Variants in KLHL21 observed in about 807,000 individuals in gnomAD.
KLHL21 encodes kelch-like protein 21.
In KLHL21, 42 loss-of-function variants were observed where a neutral mutation model predicts 44.1. The ratio of observed to expected loss-of-function variants is 0.95; its 90% CI spans 0.74 to 1.23. The LOEUF (loss-of-function observed/expected upper bound fraction) is 1.23, where lower values mean the gene tolerates loss of function less well. KLHL21 is among the 50% of genes most tolerant of loss of function. The probability of loss-of-function intolerance (pLI) is 0.00; values close to 1 mark genes in which losing one functional copy is unlikely to be tolerated. For synonymous variants in KLHL21, 524 were observed against 411.6 expected (o/e 1.27, Z -3.31); for missense variants, 918 against 889.1 (o/e 1.03, Z -0.41).
At position 6,593,556 on chromosome 1, in the gene KLHL21, G is replaced by A. The variant is rs865954795; in HGVS notation, c.1603C>T (p.Pro535Ser). The A allele has an allele frequency of 1.9e-6, 3 of 1,613,988 alleles. No homozygotes were observed. The highest frequency in any genetic ancestry group is 2.5e-6 in the Non-Finnish European group (3 of 1,180,008). The part of the protein sequence containing the change: ...ELSDVVEAYD[P>S]ETRAWSVVGR... ...ACCACGCTCCACGCGCGAGTCTCTGGGTCATAGGCCTCTACCACGTCCGAG... is the reference window on the plus strand; with the variant it reads ...ACCACGCTCCACGCGCGAGTCTCTGAGTCATAGGCCTCTACCACGTCCGAG... The change falls in exon 4 of 4, where the codon CCA becomes TCA. Residue 535 changes from proline to serine, a missense_variant. By Grantham distance (74) the Pro-to-Ser change is moderately conservative. Transcript: ENST00000377658.
chr1:6,599,136 G>A lies in KLHL21; in HGVS notation c.1338C>T (p.Asp446=), dbSNP rs1477089896. 1 of 1,613,924 alleles carries A rather than the reference G, an allele frequency of 6.2e-7. No individual in the cohort carries two copies. Among genetic ancestry groups the A allele is most frequent in the African/African-American group, 1.3e-5 (1 of 75,054 alleles). The part of the protein sequence containing the change: ...MVMQCYDPDT[D]LWSLVDCGQL... ...GGCCGCAGTCCACCAGCGACCACAG[G>A]TCGGTGTCCGGGTCGTAGCACTGCA... Residue 446 remains aspartate (D), a synonymous_variant, in exon 2 of 4, where the codon GAC becomes GAT. Transcript: ENST00000377658.
rs532490420 is a variant in KLHL21 at position 6,595,257 on chromosome 1, A to G, written c.1500+228T>C. 30 of 636,814 alleles carry G rather than the reference A, an allele frequency of 4.7e-5. No individual in the cohort carries two copies. The South Asian group carries it at 4.9e-4, about 10-fold the overall frequency. 39.4% of individuals were successfully genotyped at this position (636,814 alleles called of 1,614,324 possible). A position where few individuals can be genotyped will look rare whatever the true frequency, so the allele number is the denominator to read the frequency against. On this transcript the variant is annotated intron_variant, in intron 3 of 3. Coordinates refer to ENST00000377658, the MANE Select transcript of KLHL21 (RefSeq NM_014851.4). The stretch of plus-strand genomic sequence containing the variant: ...GCTCTCTGGCTCACAGCAGATACTC[A>G]ATAAACACTGCTCAAATGTGTACTA...
intron 2 of KLHL21, among the ~76,000 whole-genome samples, chr1:6,597,944 T>C (rs1640950216): frequency 6.6e-6 from 1 of 152,252 alleles, no homozygotes; most frequent in African/African-American, 2.4e-5. Context: ...AGGCAGCATT[T>C]GGCTGTGACC....
In KLHL21 at chr1:6,599,060, T is replaced by C. The variant is rs1570199843; in HGVS notation, c.1414A>G (p.Met472Val). The C allele has an allele frequency of 6.3e-7, 1 of 1,589,192 alleles. No homozygotes were observed. The highest frequency in any genetic ancestry group is 1.1e-5 in the South Asian group (1 of 87,298). The part of the protein sequence containing the change: ...APKTATLNGL[M>V]YFVRDDSAEV... Reference sequence around the variant, plus strand: ...CCTGGAACTCACCTGACAAAGTACATGAGTCCGTTTAGAGTCGCAGTCTTG... The same window carrying C: ...CCTGGAACTCACCTGACAAAGTACACGAGTCCGTTTAGAGTCGCAGTCTTG... Residue 472 changes from methionine (M) to valine (V), a missense_variant, in exon 2 of 4, where the codon ATG (methionine) becomes GTG (valine). Met to Val is a conservative substitution (Grantham distance 21, BLOSUM62 1). Transcript: ENST00000377658.
rs1306027880 is a variant in KLHL21 at position 6,599,089 on chromosome 1, G to T, written c.1385C>A (p.Ala462Asp). 6.2e-7 allele frequency: 1 copy of T among 1,608,950 alleles called. No individual in the cohort carries two copies. Among genetic ancestry groups the T allele is most frequent in the Non-Finnish European group, 8.5e-7 (1 of 1,177,318 alleles). Reference sequence around the variant, plus strand: ...TCCGTTTAGAGTCGCAGTCTTGGGGGCGAAGGACCAGGGCGGGAGCTGGCC... The same window carrying T: ...TCCGTTTAGAGTCGCAGTCTTGGGGTCGAAGGACCAGGGCGGGAGCTGGCC... Reference protein sequence around the residue: ...DCGQLPPWSFAPKTATLNGLM... With the variant: ...DCGQLPPWSFDPKTATLNGLM... The change falls in exon 2 of 4, where the codon GCC (alanine) becomes GAC (aspartate). Residue 462 changes from alanine (A) to aspartate (D), a missense_variant. By Grantham distance (126) the Ala-to-Asp change is moderately radical. Transcript: ENST00000377658.
chr1:6,596,167 G>A (rs1216581948), intron 2 of KLHL21, among the ~76,000 whole-genome samples: 1 of 152,254 alleles, frequency 6.6e-6, no homozygotes, highest in African/African-American at 2.4e-5. Flanking sequence ...GGGAGGCCGA[G>A]GCTGGTGGAG....
chr1:6,593,700 G>C (rs754450807), intron 3 of KLHL21, 42 bp from the exon 4 acceptor site: 13 of 1,521,052 alleles, frequency 8.5e-6, no homozygotes, highest in Non-Finnish European at 1.1e-5. Context: ...CAGAGGAGAG[G>C]GTAGGGCAGG....
chr1:6,593,754 T>C (rs1205475885), intron 3 of KLHL21, 96 bp from the exon 4 acceptor site: 2 of 1,447,844 alleles, frequency 1.4e-6, no homozygotes, highest in Non-Finnish European at 1.8e-6. Context: ...GCCCTGTCAG[T>C]ACCCCAGAGG....
In KLHL21 at chr1:6,591,803, G is replaced by A. The variant is rs1010370226; in HGVS notation, c.*1562C>T. The A allele has an allele frequency of 6.6e-6, 1 of 152,646 alleles. No individual in the cohort carries two copies. The highest frequency in any genetic ancestry group is 1.9e-4 in the East Asian group (1 of 5,206). The allele number at this position is 152,646 out of a possible 1,614,324, so 9.5% of individuals were successfully genotyped here. On this transcript the variant is annotated 3_prime_UTR_variant, in exon 4 of 4. Coordinates refer to ENST00000377658, the MANE Select transcript of KLHL21 (RefSeq NM_014851.4). ...GCACAGGGCAAGCAACAGTGCCAGA[G>A]GGTGCCTGGTCACAGGAAGCCCAGC... is the stretch of plus-strand genomic sequence containing the variant.
At position 6,601,783 on chromosome 1, in the gene KLHL21, C is replaced by A. The variant is rs1196155820; in HGVS notation, c.1021+14G>T. ...TCAACCCCAGAGAGCCTGCCCAGCC[C>A]CTGGCCCACTCACCCGTCACGTAGA... On this transcript the variant is annotated intron_variant, in intron 1 of 3. Coordinates refer to ENST00000377658, the MANE Select transcript of KLHL21 (RefSeq NM_014851.4). 1 of 1,557,158 alleles carries A rather than the reference C, an allele frequency of 6.4e-7. No homozygotes were observed. The highest frequency in any genetic ancestry group is 8.7e-7 in the Non-Finnish European group (1 of 1,147,928).
At position 6,602,089 on chromosome 1, in the gene KLHL21, C is replaced by T; in HGVS notation, c.729G>A (p.Leu243=). 6.7e-7 allele frequency: 1 copy of T among 1,484,332 alleles called. No individual in the cohort carries two copies. Among genetic ancestry groups the T allele is most frequent in the Non-Finnish European group, 8.9e-7 (1 of 1,121,892 alleles). The allele number at this position is 1,484,332 out of a possible 1,614,324, so 91.9% of individuals were successfully genotyped here. The part of the protein sequence containing the change: ...YLLAHVEAEP[L]VARCPPCLRL... The stretch of plus-strand genomic sequence containing the variant: ...GCAGGCAGGGTGGGCAGCGCGCCAC[C>T]AGCGGCTCGGCCTCGACGTGCGCCA... Residue 243 remains leucine (L), a synonymous_variant, in exon 1 of 4, where the codon CTG becomes CTA. Coordinates refer to ENST00000377658, the MANE Select transcript of KLHL21 (RefSeq NM_014851.4).
At position 6,602,807 on chromosome 1, in the gene KLHL21, G is replaced by C. The variant is rs900893599; in HGVS notation, c.11C>G (p.Pro4Arg). MER[P>R]APLAVLPFSD... ...GAAGGGAAGCACGGCCAGGGGCGCC[G>C]GTCGCTCCATGGCGCCTTCGATAGG... The change falls in exon 1 of 4, where the codon CCG (proline) becomes CGG (arginine). Residue 4 changes from proline (P) to arginine (R), a missense_variant. Coordinates refer to ENST00000377658, the MANE Select transcript of KLHL21 (RefSeq NM_014851.4). 1 of 1,457,056 alleles carries C rather than the reference G, an allele frequency of 6.9e-7. No homozygotes were observed. The highest frequency in any genetic ancestry group is 9.0e-7 in the Non-Finnish European group (1 of 1,115,024). The allele number at this position is 1,457,056 out of a possible 1,614,324, so 90.3% of individuals were successfully genotyped here.
At chr1:6,596,975 CA>C (rs752261324) in intron 2 of KLHL21, among the ~76,000 whole-genome samples, 1 of 152,208 alleles carries the variant, frequency 6.6e-6, no homozygotes, top group African/African-American at 2.4e-5. Flanking sequence ...CTTGAAGAGC[CA>C]AAGTGCGCAG....
chr1:6,599,405 A>T lies in KLHL21; in HGVS notation c.1069T>A (p.Ser357Thr), dbSNP rs1640980422. 12 of 1,613,106 alleles carry T rather than the reference A, an allele frequency of 7.4e-6. No homozygotes were observed. The highest frequency in any genetic ancestry group is 1.0e-5 in the Non-Finnish European group (12 of 1,179,862). Residue 357 changes from serine to threonine, a missense_variant, in exon 2 of 4, where the codon TCA becomes ACA. By Grantham distance (58) the Ser-to-Thr change is moderately conservative. Transcript: ENST00000377658. ...RLYDCVWRYN[S>T]SVNEWAEVAP... ...ACCTCCGCCCACTCATTCACGCTTG[A>T]GTTGTACCTCCACACGCAGTCATAG...
rs961776190 is a variant in KLHL21 at position 6,600,879 on chromosome 1, C to T, written c.1021+918G>A. Among the ~76,000 whole-genome samples the T allele has an allele frequency of 2.0e-5, 3 of 152,224 alleles. 1 individual carries two copies. The highest frequency in any genetic ancestry group is 4.4e-5 in the Non-Finnish European group (3 of 68,042). On this transcript the variant is annotated intron_variant, in intron 1 of 3. Transcript: ENST00000377658. ...GACTCAGAGCAGCAGGCTAAGGAAG[C>T]TGTGGCAACAGAATCCAGCAACTGT...
In KLHL21 at chr1:6,602,537, C is replaced by G; in HGVS notation, c.281G>C (p.Ser94Thr). The G allele has an allele frequency of 6.5e-7, 1 of 1,539,478 alleles. No individual in the cohort carries two copies. Among genetic ancestry groups the G allele is most frequent in the African/African-American group, 1.4e-5 (1 of 73,162 alleles). Residue 94 changes from serine (S) to threonine (T), a missense_variant, in exon 1 of 4, where the codon AGC (serine) becomes ACC (threonine). By Grantham distance (58) the Ser-to-Thr change is moderately conservative. Coordinates refer to ENST00000377658, the MANE Select transcript of KLHL21 (RefSeq NM_014851.4). The part of the protein sequence containing the change: ...PDMLQLLLDF[S>T]YTGRVAVSGD... ...GCTTACCGCCACGCGGCCCGTGTAG[C>G]TGAAGTCCAGCAGCAGCTGCAGCAT...
intron 2 of KLHL21, among the ~76,000 whole-genome samples, chr1:6,597,292 G>A (rs1241114127): frequency 6.6e-6 from 1 of 152,188 alleles, no homozygotes; most frequent in Non-Finnish European, 1.5e-5. Context: ...CCTCCCTGGC[G>A]CACATCTTCA....
rs1640857131 is a variant in KLHL21 at position 6,591,985 on chromosome 1, G to C, written c.*1380C>G. The C allele has an allele frequency of 2.0e-5, 3 of 152,330 alleles. No homozygotes were observed. Among genetic ancestry groups the C allele is most frequent in the Non-Finnish European group, 4.4e-5 (3 of 68,090 alleles). The allele number at this position is 152,330 out of a possible 1,614,324, so 9.4% of individuals were successfully genotyped here. ...CCATGAACTGTGGTCATACCAGCCA[G>C]GGCGTTCTAGGACAAGACTTCCTAA... On this transcript the variant is annotated 3_prime_UTR_variant, in exon 4 of 4. Transcript: ENST00000377658.
intron 2 of KLHL21, among the ~76,000 whole-genome samples, chr1:6,597,818 C>A (rs1640947886): frequency 6.6e-6 from 1 of 152,228 alleles, no homozygotes; most frequent in South Asian, 2.1e-4. Flanking sequence ...CTCCTGGACC[C>A]AGAGCTTCAG....
Sources: gnomAD v4.1 joint callset for allele counts (sites outside exome capture counted in the v4.1 genomes callset) on GRCh38, gnomAD v4.1.1 for gene constraint, MANE v1.5 for transcripts, NCBI Gene and HGNC (gene_info 2026-07-23, HGNC 2026-07-21) for gene names.